BRD4: variants seen among roughly 807,000 people sequenced by gnomAD.
BRD4 encodes bromodomain-containing protein 4.
A neutral mutation model predicts 142.1 loss-of-function variants in BRD4; 16 were observed. The observed-to-expected ratio is 0.11, with a 90% confidence interval of 0.08 to 0.17. The LOEUF is 0.17. BRD4 is among the 10% of genes least tolerant of loss of function. The pLI is 1.00. For missense variants in BRD4, 1,424 were observed against 1,810.9 expected, an observed-to-expected ratio of 0.79 and a Z score of 3.88; for synonymous variants, 833 against 707.5, an observed-to-expected ratio of 1.18 and a Z score of -2.82.
intron 1 of BRD4, among the ~76,000 whole-genome samples, chr19:15,278,168 G>A (rs1436860410): frequency 1.4e-5 from 2 of 147,730 alleles, no homozygotes; most frequent in Non-Finnish European, 3.0e-5. Flanking sequence ...AGGAGATGCA[G>A]GTAGTGACAT....
chr19:15,252,231 G>C (rs1224033551), intron 11 of BRD4, among the ~76,000 whole-genome samples: 1 of 152,204 alleles, frequency 6.6e-6, no homozygotes, highest in Non-Finnish European at 1.5e-5. Flanking sequence ...CTGGAAATCA[G>C]GATGTGATGG....
chr19:15,274,037 C>T (rs1392755175), intron 1 of BRD4, among the ~76,000 whole-genome samples: 1 of 152,122 alleles, frequency 6.6e-6, no homozygotes, highest in Non-Finnish European at 1.5e-5. Flanking sequence ...TTAAAAGCTC[C>T]AAACGGAGAA....
chr19:15,238,261 A>AG lies in BRD4; in HGVS notation c.*115dup. 8 of 1,513,952 alleles carry AG rather than the reference A, an allele frequency of 5.3e-6. No homozygotes were observed. In the South Asian group the frequency reaches 1.0e-4, roughly 19 times the overall value. 93.8% of individuals were successfully genotyped at this position (1,513,952 alleles called of 1,614,324 possible). The stretch of plus-strand genomic sequence containing the variant: ...GCCTGCCCCGGGCATAGCATGCAGG[A>AG]GGGCCAGGCCCTGAGGCATCCCCTG... On this transcript the variant is annotated 3_prime_UTR_variant, in exon 20 of 20. Transcript: ENST00000679869. The surrounding 1 kb of genome is among the most constrained non-coding windows in gnomAD (Gnocchi z 7.2).
At position 15,259,764 on chromosome 19, in the gene BRD4, C is replaced by T. The variant is rs190124215; in HGVS notation, c.1342-2591G>A. 1.5e-3 allele frequency among the ~76,000 whole-genome samples: 229 copies of T among 152,318 alleles called. 3 individuals carry two copies. The highest frequency in any genetic ancestry group is 5.4e-3 in the African/African-American group (223 of 41,564). ...CCAGCTTGATGGTAGACAGGAATGACGAGCTCCCTGTTCAAGGAGCTCAGT... is the reference window on the plus strand; with the variant it reads ...CCAGCTTGATGGTAGACAGGAATGATGAGCTCCCTGTTCAAGGAGCTCAGT... On this transcript the variant is annotated intron_variant, in intron 7 of 19. Transcript: ENST00000679869.
At chr19:15,262,127 C>G (rs189568337) in intron 7 of BRD4, among the ~76,000 whole-genome samples, 65 of 152,232 alleles carry the variant, frequency 4.3e-4, no homozygotes, top group Admixed American at 4.2e-3. Flanking sequence ...GGCTGCTATG[C>G]TGGGGAGTCT....
In BRD4 at chr19:15,238,675, T is replaced by A; in HGVS notation, c.4020+68A>T. On this transcript the variant is annotated intron_variant, in intron 19 of 19. Transcript: ENST00000679869. The surrounding 1 kb of genome is among the most constrained non-coding windows in gnomAD (Gnocchi z 7.2). ...CTGCCCCTCCCTGTCCAGGCTCCAG[T>A]CCCCCTTTCCCAGCTCCCTCAGGAG... 2 of 1,457,422 alleles carry A rather than the reference T, an allele frequency of 1.4e-6. No individual in the cohort carries two copies. Among genetic ancestry groups the A allele is most frequent in the Non-Finnish European group, 1.8e-6 (2 of 1,103,920 alleles). 90.3% of individuals were successfully genotyped at this position (1,457,422 alleles called of 1,614,324 possible). A position where few individuals can be genotyped will look rare whatever the true frequency, so the allele number is the denominator to read the frequency against.
At chr19:15,258,427 G>A (rs976428749) in intron 7 of BRD4, among the ~76,000 whole-genome samples, 3 of 152,110 alleles carry the variant, frequency 2.0e-5, no homozygotes, top group Admixed American at 6.6e-5. Context: ...GGAATTACAG[G>A]TGCACACCAC....
chr19:15,305,400 TATGG>T (rs766376368), intron 1 of BRD4, among the ~76,000 whole-genome samples: 2 of 152,208 alleles, frequency 1.3e-5, no homozygotes, highest in Non-Finnish European at 2.9e-5. Context: ...TGGGCTGCTG[TATGG>T]ATGTTTTAGC....
At chr19:15,248,448 G>A (rs3787030) in intron 11 of BRD4, 120,169 of 218,164 alleles carry the variant, frequency 0.55, 33,340 homozygotes, top group East Asian at 0.63. Context: ...GGTGGGGTTG[G>A]GGGGATGATA....
rs143527505 is a variant in BRD4, at chr19:15,283,734, G to A, written c.-34-10601C>T. On this transcript the variant is annotated intron_variant, in intron 1 of 19. Transcript: ENST00000679869. ...AATTTCACCCACTGGGAAGCCGCCC[G>A]GGTGAGTAAGCAAGAGTGTATCACG... is the stretch of plus-strand genomic sequence containing the variant. Among the ~76,000 whole-genome samples the A allele has an allele frequency of 4.9e-4, 74 of 152,328 alleles. 4 individuals carry two copies. In the East Asian group the frequency reaches 0.014, roughly 28 times the overall value.
In BRD4 at chr19:15,264,664, G is replaced by C. The variant is rs201898876; in HGVS notation, c.952C>G (p.Leu318Val). 4.4e-5 allele frequency: 71 copies of C among 1,613,610 alleles called. No individual in the cohort carries two copies. The highest frequency in any genetic ancestry group is 5.8e-5 in the Non-Finnish European group (69 of 1,180,016). Residue 318 changes from leucine to valine, a missense_variant, in exon 6 of 20, where the codon CTG (leucine) becomes GTG (valine). Leu to Val is a conservative substitution (Grantham distance 32). This residue lies in a region of BRD4 where 86 missense variants were observed against 79.9 expected (regional missense o/e 1.08). Transcript: ENST00000679869. Reference sequence around the variant, plus strand: ...CGGCTGCTCTCCCGCCGCTGGCCCAGCTTGGTGGTCTTGGGCTCCGGGGGC... The same window carrying C: ...CGGCTGCTCTCCCGCCGCTGGCCCACCTTGGTGGTCTTGGGCTCCGGGGGC... ...SLPPEPKTTK[L>V]GQRRESSRPV...
intron 1 of BRD4, among the ~76,000 whole-genome samples, chr19:15,279,289 CTTTA>C (rs2047682506): frequency 6.6e-6 from 1 of 152,220 alleles, no homozygotes; most frequent in Non-Finnish European, 1.5e-5. Context: ...CTTGGACTAA[CTTTA>C]TTTACAATCT....
chr19:15,246,905 G>A (rs930477469), intron 11 of BRD4: 2 of 171,462 alleles, frequency 1.2e-5, no homozygotes, highest in African/African-American at 4.8e-5. Context: ...GCTGGTGGTA[G>A]AGGTACCCCC....
chr19:15,312,390 C>T (rs201005782), intron 1 of BRD4, among the ~76,000 whole-genome samples: 2 of 151,928 alleles, frequency 1.3e-5, no homozygotes, highest in African/African-American at 2.4e-5. Context: ...TCCCAGCACT[C>T]TGGGAGGCCG....
intron 1 of BRD4, among the ~76,000 whole-genome samples, chr19:15,298,675 C>T (rs151133881): frequency 0.011 from 1,595 of 147,178 alleles, 23 homozygotes; most frequent in African/African-American, 0.038. Context: ...GTGGTCACAT[C>T]CCTTCTCTCC....
chr19:15,263,288 T>C, intron 7 of BRD4, 132 bp downstream of exon 7: 1 of 1,229,044 alleles, frequency 8.1e-7, no homozygotes, highest in South Asian at 1.5e-5. Flanking sequence ...TTTAGGCACT[T>C]TTCTAAAGCA....
chr19:15,276,472 G>A (rs1340347789), intron 1 of BRD4, among the ~76,000 whole-genome samples: 1 of 151,774 alleles, frequency 6.6e-6, no homozygotes, highest in African/African-American at 2.4e-5. Flanking sequence ...CCAGACAGAT[G>A]GATGGATGCA....
intron 7 of BRD4, among the ~76,000 whole-genome samples, chr19:15,257,506 G>A (rs2145577687): frequency 6.6e-6 from 1 of 152,282 alleles, no homozygotes. Flanking sequence ...GATGGTACTG[G>A]ACCAAGGGCA....
At position 15,244,964 on chromosome 19, in the gene BRD4, C is replaced by T. The variant is rs373134910; in HGVS notation, c.2159-202G>A. 133 of 915,238 alleles carry T rather than the reference C, an allele frequency of 1.5e-4. 1 individual carries two copies. The highest frequency in any genetic ancestry group is 1.4e-3 in the South Asian group (79 of 57,150). 56.7% of individuals were successfully genotyped at this position (915,238 alleles called of 1,614,324 possible). A position where few individuals can be genotyped will look rare whatever the true frequency, so the allele number is the denominator to read the frequency against. ...GAGGCATCACCTACCCACTTGCCTG[C>T]TGCTTTTCCTAGCAGGGACTGTGCC... On this transcript the variant is annotated intron_variant, in intron 11 of 19. Coordinates refer to ENST00000679869, the MANE Select transcript of BRD4 (RefSeq NM_001379291.1).
Sources: allele counts gnomAD v4.1 joint callset (sites outside exome capture counted in the v4.1 genomes callset), GRCh38; gene constraint gnomAD v4.1.1; regional missense constraint gnomAD v4.1.1; non-coding constraint Gnocchi (gnomAD v3.1); transcripts MANE v1.5; gene names NCBI Gene and HGNC (gene_info 2026-07-23, HGNC 2026-07-21).